The following ABHD8 variants were observed in gnomAD, a reference collection of about 807,000 sequenced individuals.
ABHD8 encodes the protein abhydrolase domain containing 8.
In ABHD8, 10 loss-of-function variants were observed where a neutral mutation model predicts 29.3. That is an observed-to-expected ratio of 0.34 (90% CI 0.21 to 0.58). The LOEUF (loss-of-function observed/expected upper bound fraction) is 0.58, where lower values mean the gene tolerates loss of function less well. ABHD8 is among the 20% of genes least tolerant of loss of function. ABHD8 has a pLI of 0.85. For synonymous variants in ABHD8, 282 were observed against 274.6 expected (o/e 1.03, Z -0.27); for missense variants, 556 against 615.3 (o/e 0.90, Z 1.02).
chr19:17,295,313 G>A (rs1250933416), intron 2 of ABHD8, among the ~76,000 whole-genome samples: 5 of 151,638 alleles, frequency 3.3e-5, no homozygotes, highest in Non-Finnish European at 7.4e-5. Context: ...CACCATGTTG[G>A]TCGGGCTGGT....
rs1406132376 is a variant in ABHD8 at position 17,301,023 on chromosome 19, A to C, written c.594T>G (p.Phe198Leu). 5.0e-6 allele frequency: 8 copies of C among 1,613,392 alleles called. No individual in the cohort carries two copies. Among genetic ancestry groups the C allele is most frequent in the Non-Finnish European group, 6.8e-6 (8 of 1,180,038 alleles). The change falls in exon 2 of 5, where the codon TTT (phenylalanine) becomes TTG (leucine). Residue 198 changes from phenylalanine (F) to leucine (L), a missense_variant. Physicochemically the swap from Phe to Leu is conservative, Grantham distance 22. Transcript: ENST00000247706. The part of the protein sequence containing the change: ...LAIWKEQLDF[F>L]VRLGYEVVAP... ...CCACCACCTCATAGCCTAGGCGCAC[A>C]AAGAAGTCCAGCTGCTCCTTCCAGA...
chr19:17,294,521 C>T lies in ABHD8; in HGVS notation c.933-17G>A, dbSNP rs375406198. On this transcript the variant is annotated splice_polypyrimidine_tract_variant and intron_variant, in intron 3 of 4. Coordinates refer to ENST00000247706, the MANE Select transcript of ABHD8 (RefSeq NM_024527.5). Reference sequence around the variant, plus strand: ...AAGCCGGCCCTGGTGGTGGTGGAGGCACCGCTAGAGCCCCTTATGCCAGCC... The same window carrying T: ...AAGCCGGCCCTGGTGGTGGTGGAGGTACCGCTAGAGCCCCTTATGCCAGCC... 128 of 1,613,474 alleles carry T rather than the reference C, an allele frequency of 7.9e-5. 1 individual carries two copies. In the African/African-American group the frequency reaches 1.1e-3, roughly 14 times the overall value.
chr19:17,294,207 A>T (rs1599521946), intron 4 of ABHD8, 81 bp downstream of exon 4: 4 of 1,493,750 alleles, frequency 2.7e-6, no homozygotes, highest in East Asian at 2.4e-5. Context: ...AAGCGCTACC[A>T]CGCCCCCCGC....
In ABHD8 at chr19:17,294,491, G is replaced by T. The variant is rs746055933; in HGVS notation, c.946C>A (p.Arg316Ser). The T allele has an allele frequency of 8.1e-6, 13 of 1,613,824 alleles. No individual in the cohort carries two copies. The highest frequency in any genetic ancestry group is 1.3e-5 in the African/African-American group (1 of 74,942). The change falls in exon 4 of 5, where the codon CGC becomes AGC. Residue 316 changes from arginine to serine, a missense_variant. Coordinates refer to ENST00000247706, the MANE Select transcript of ABHD8 (RefSeq NM_024527.5). ...AGCTGCTTCTCCTTGGCTCCTTGGCGGGCGAAGCCGGCCCTGGTGGTGGTG... is the reference window on the plus strand; with the variant it reads ...AGCTGCTTCTCCTTGGCTCCTTGGCTGGCGAAGCCGGCCCTGGTGGTGGTG... ...AWSFLKAGFA[R>S]QGAKEKQLLK...
chr19:17,298,365 G>A (rs1196187095), intron 2 of ABHD8: 1 of 152,154 alleles, frequency 6.6e-6, no homozygotes, highest in Non-Finnish European at 1.5e-5. Flanking sequence ...AGCCTTCCAT[G>A]GAGGGGTTCT....
At position 17,300,953 on chromosome 19, in the gene ABHD8, C is replaced by T; in HGVS notation, c.664G>A (p.Ala222Thr). Residue 222 changes from alanine to threonine, a missense_variant, in exon 2 of 5, where the codon GCC (alanine) becomes ACC (threonine). Physicochemically the swap from Ala to Thr is moderately conservative, Grantham distance 58 (BLOSUM62 0). Coordinates refer to ENST00000247706, the MANE Select transcript of ABHD8 (RefSeq NM_024527.5). ...AGCGCATAGAAGGTGTAGGCTGCGG[C>T]CACCTGGGGCGCAGAGCTGGCCCCG... ...GHGASSAPQV[A>T]AAYTFYALAE... 1 of 1,613,488 alleles carries T rather than the reference C, an allele frequency of 6.2e-7. No homozygotes were observed. Among genetic ancestry groups the T allele is most frequent in the Non-Finnish European group, 8.5e-7 (1 of 1,179,964 alleles).
At chr19:17,292,916 T>A (rs2074077521) in intron 4 of ABHD8, 85 bp from the exon 5 acceptor site, 1 of 1,438,704 alleles carries the variant, frequency 7.0e-7, no homozygotes, top group Non-Finnish European at 9.4e-7. Context: ...CATACACACA[T>A]GGCCCACAGC....
intron 2 of ABHD8, chr19:17,297,716 T>C (rs527371334): frequency 6.6e-6 from 1 of 151,692 alleles, no homozygotes; most frequent in African/African-American, 2.4e-5. Context: ...TTCTTTTAGA[T>C]ACTTATGTAA....
intron 2 of ABHD8, among the ~76,000 whole-genome samples, chr19:17,300,009 A>C (rs536616786): frequency 1.3e-5 from 2 of 148,278 alleles, no homozygotes; most frequent in Admixed American, 6.8e-5. Flanking sequence ...TGCTCATGCC[A>C]TTCTCCTGCC....
chr19:17,301,286 C>A lies in ABHD8; in HGVS notation c.331G>T (p.Gly111Trp). The A allele has an allele frequency of 6.2e-7, 1 of 1,606,582 alleles. No homozygotes were observed. The highest frequency in any genetic ancestry group is 8.5e-7 in the Non-Finnish European group (1 of 1,179,578). The change falls in exon 2 of 5, where the codon GGG becomes TGG. Residue 111 changes from glycine to tryptophan, a missense_variant. This residue lies in a region of ABHD8 where 286 missense variants were observed against 261.4 expected (regional missense o/e 1.09). Coordinates refer to ENST00000247706, the MANE Select transcript of ABHD8 (RefSeq NM_024527.5). ...ADLLHGQNGS[G>W]EPPAALEVEL... ...ACCTCCAGGGCGGCCGGCGGCTCCC[C>A]AGAGCCATTCTGCCCGTGTAGGAGG...
In ABHD8 at chr19:17,294,332, G is replaced by T; in HGVS notation, c.1105C>A (p.His369Asn). ...TCCTCCACCGGCACAAACTTATCGT[G>T]CATGCCGTGGACAAGCAGGACGGGC... Reference protein sequence around the residue: ...TVPVLLVHGMHDKFVPVEEDQ... With the variant: ...TVPVLLVHGMNDKFVPVEEDQ... The change falls in exon 4 of 5, where the codon CAC (histidine) becomes AAC (asparagine). Residue 369 changes from histidine to asparagine, a missense_variant. Coordinates refer to ENST00000247706, the MANE Select transcript of ABHD8 (RefSeq NM_024527.5). 6.2e-7 allele frequency: 1 copy of T among 1,611,748 alleles called. No homozygotes were observed.
Position 17,301,517 on chromosome 19 carries a change from TGTAG to T in ABHD8, c.96_99del (p.Tyr33ProfsTer3). 6.2e-7 allele frequency: 1 copy of T among 1,610,684 alleles called. No homozygotes were observed. ...CGGCCGGGCTTGACCTCTACAAAGG[TGTAG>T]CCATCGCTGGACTCGACGCTCTCCA... On this transcript the variant is annotated frameshift_variant, in exon 2 of 5. Transcript: ENST00000247706. LOFTEE classifies it high-confidence loss of function.
chr19:17,294,437 A>T lies in ABHD8; in HGVS notation c.1000T>A (p.Ser334Thr). The T allele has an allele frequency of 6.2e-7, 1 of 1,614,126 alleles. No individual in the cohort carries two copies. The change falls in exon 4 of 5, where the codon TCA becomes ACA. Residue 334 changes from serine (S) to threonine (T), a missense_variant. Physicochemically the swap from Ser to Thr is moderately conservative, Grantham distance 58 (BLOSUM62 1). Around this residue, in one of 2 missense-constraint regions of ABHD8, gnomAD observed 270 missense variants for 353.9 expected, o/e 0.76. Coordinates refer to ENST00000247706, the MANE Select transcript of ABHD8 (RefSeq NM_024527.5). ...LLKEGNAFNV[S>T]SFVLRAMMSG... The stretch of plus-strand genomic sequence containing the variant: ...ATCATGGCCCGGAGTACGAAGGATG[A>T]CACGTTGAAAGCGTTGCCCTCCTTT...
chr19:17,292,847 G>A lies in ABHD8; in HGVS notation c.1150-16C>T, dbSNP rs1306215723. ...GGAGCAGGATCTGCAGAAGACGCAG[G>A]GCTCAAGGTAGGCGGGGGCAAGAGG... On this transcript the variant is annotated splice_polypyrimidine_tract_variant and intron_variant, in intron 4 of 4. Coordinates refer to ENST00000247706, the MANE Select transcript of ABHD8 (RefSeq NM_024527.5). 1.2e-6 allele frequency: 2 copies of A among 1,605,916 alleles called. No homozygotes were observed. The highest frequency in any genetic ancestry group is 1.3e-5 in the African/African-American group (1 of 74,658).
rs1210892918 is a variant in ABHD8, at chr19:17,294,351, G to A, written c.1086C>T (p.Val362=). The change falls in exon 4 of 5, where the codon GTC becomes GTT. Residue 362 remains valine (V), a synonymous_variant. Coordinates refer to ENST00000247706, the MANE Select transcript of ABHD8 (RefSeq NM_024527.5). ...EVYHAELTVP[V]LLVHGMHDKF... is the part of the protein sequence containing the mutation. ...TATCGTGCATGCCGTGGACAAGCAG[G>A]ACGGGCACGGTGAGCTCGGCGTGGT... The A allele has an allele frequency of 1.2e-6, 2 of 1,613,372 alleles. No homozygotes were observed. Among genetic ancestry groups the A allele is most frequent in the Non-Finnish European group, 1.7e-6 (2 of 1,180,004 alleles).
chr19:17,294,764 C>A lies in ABHD8; in HGVS notation c.843G>T (p.Thr281=). Residue 281 remains threonine (T), a synonymous_variant, in exon 3 of 5, where the codon ACG becomes ACT. Coordinates refer to ENST00000247706, the MANE Select transcript of ABHD8 (RefSeq NM_024527.5). ...KVIMINGGGP[T]ALEPSFCSIF... is the part of the protein sequence containing the mutation. The stretch of plus-strand genomic sequence containing the variant: ...TTGAGCAGAAGCTGGGCTCCAGCGC[C>A]GTAGGGCCCCCGCCATTGATCATGA... 6.2e-7 allele frequency: 1 copy of A among 1,614,146 alleles called. No homozygotes were observed. The highest frequency in any genetic ancestry group is 8.5e-7 in the Non-Finnish European group (1 of 1,180,030).
At chr19:17,292,855 G>T in intron 4 of ABHD8, 24 bp from the exon 5 acceptor site, 1 of 1,602,874 alleles carries the variant, frequency 6.2e-7, no homozygotes, top group Non-Finnish European at 8.5e-7. Context: ...AGGGCTCAAG[G>T]TAGGCGGGGG....
chr19:17,294,546 C>A (rs1327312393), intron 3 of ABHD8, 42 bp from the exon 4 acceptor site: 7 of 1,612,230 alleles, frequency 4.3e-6, no homozygotes, highest in African/African-American at 4.0e-5. Context: ...TTATGCCAGC[C>A]CGACTGCCGT....
chr19:17,298,296 T>G (rs2145656064), intron 2 of ABHD8: 1 of 152,276 alleles, frequency 6.6e-6, no homozygotes, highest in African/African-American at 2.4e-5. Context: ...AATCTTGCCT[T>G]TCTTCCTGGA....
Sources: gnomAD v4.1 joint callset for allele counts (sites outside exome capture counted in the v4.1 genomes callset) on GRCh38, gnomAD v4.1.1 for gene constraint, gnomAD v4.1.1 regional missense constraint, MANE v1.5 for transcripts, NCBI Gene and HGNC (gene_info 2026-07-23, HGNC 2026-07-21) for gene names.